The following PAM variants were observed in gnomAD, a reference collection of about 807,000 sequenced individuals.
The protein encoded by PAM is peptidyl-glycine alpha-amidating monooxygenase.
PAM carries 72 observed loss-of-function variants against 122.1 expected under a neutral mutation model. That is an observed-to-expected ratio of 0.59 (90% CI 0.49 to 0.72). The LOEUF (loss-of-function observed/expected upper bound fraction) is 0.72. PAM is among the 30% of genes least tolerant of loss of function. The pLI, the probability that PAM is intolerant of heterozygous loss-of-function variation, is 0.00. For synonymous variants in PAM, 389 were observed against 404.4 expected (o/e 0.96, Z 0.46); for missense variants, 1,106 against 1,183.7 (o/e 0.93, Z 0.96).
intron 3 of PAM, among the ~76,000 whole-genome samples, chr5:102,867,647 C>T (rs1786027030): frequency 6.6e-6 from 1 of 152,114 alleles, no homozygotes; most frequent in South Asian, 2.1e-4. Flanking sequence ...CGAAAATTTA[C>T]ATTTTGAGAT....
At chr5:102,946,318 C>T (rs1582017189) in intron 7 of PAM, among the ~76,000 whole-genome samples, 2 of 152,092 alleles carry the variant, frequency 1.3e-5, no homozygotes, top group Admixed American at 1.3e-4. Flanking sequence ...GAAAGCTGTA[C>T]TGGAAGAAAT....
chr5:102,822,361 C>G (rs1204188990), intron 1 of PAM, among the ~76,000 whole-genome samples: 13 of 152,140 alleles, frequency 8.5e-5, no homozygotes, highest in Non-Finnish European at 1.5e-4. Flanking sequence ...GGAACCCACC[C>G]TGGACAGAAT....
At chr5:102,915,316 A>G (rs567541520) in intron 5 of PAM, among the ~76,000 whole-genome samples, 115 of 152,214 alleles carry the variant, frequency 7.6e-4, no homozygotes, top group Non-Finnish European at 1.4e-3. Context: ...AAACAATATA[A>G]TGTGTATTTG....
At position 103,007,639 on chromosome 5, in the gene PAM, G is replaced by A; in HGVS notation, c.2197G>A (p.Ala733Thr). 1.2e-6 allele frequency: 2 copies of A among 1,600,814 alleles called. No homozygotes were observed. The highest frequency in any genetic ancestry group is 1.7e-6 in the Non-Finnish European group (2 of 1,168,028). The change falls in exon 20 of 26, where the codon GCA (alanine) becomes ACA (threonine). Residue 733 changes from alanine (A) to threonine (T), a missense_variant. Coordinates refer to ENST00000438793, the MANE Select transcript of PAM (RefSeq NM_001177306.2). ...TTCATCATTTGGAAGAAATGTATTT[G>A]CAATTTCATATATACCAGGTATTTC... is the stretch of plus-strand genomic sequence containing the variant. ...KHSSFGRNVF[A>T]ISYIPGLLFA...
intron 7 of PAM, among the ~76,000 whole-genome samples, chr5:102,928,765 A>G (rs1750471573): frequency 6.6e-6 from 1 of 152,148 alleles, no homozygotes; most frequent in South Asian, 2.1e-4. Flanking sequence ...TAAATTTAGT[A>G]TGATGTTTTG....
chr5:102,773,718 A>G (rs1360990123), intron 1 of PAM, among the ~76,000 whole-genome samples: 1 of 151,914 alleles, frequency 6.6e-6, no homozygotes, highest in African/African-American at 2.4e-5. Context: ...TAATTAACTT[A>G]TTTACTTTTT....
intron 3 of PAM, among the ~76,000 whole-genome samples, chr5:102,868,741 T>G (rs2150978148): frequency 6.6e-6 from 1 of 152,332 alleles, no homozygotes; most frequent in Non-Finnish European, 1.5e-5. Flanking sequence ...AGAATATCAT[T>G]ATTTTATCAA....
At chr5:102,817,286 A>G (rs1464402463) in intron 1 of PAM, among the ~76,000 whole-genome samples, 2 of 152,132 alleles carry the variant, frequency 1.3e-5, no homozygotes, top group Non-Finnish European at 2.9e-5. Context: ...AAAAAGAAAT[A>G]CTTCATCACT....
At chr5:102,803,818 G>A (rs1765524543) in intron 1 of PAM, among the ~76,000 whole-genome samples, 1 of 152,126 alleles carries the variant, frequency 6.6e-6, no homozygotes, top group Non-Finnish European at 1.5e-5. Flanking sequence ...TAGAATAAGA[G>A]GTGAATATTG....
intron 3 of PAM, among the ~76,000 whole-genome samples, chr5:102,876,478 G>A (rs1236679367): frequency 6.6e-6 from 1 of 152,076 alleles, no homozygotes; most frequent in African/African-American, 2.4e-5. Flanking sequence ...TCCTTCCAAA[G>A]CCCTGCATCT....
At chr5:102,906,609 C>G (rs1263990709) in intron 4 of PAM, among the ~76,000 whole-genome samples, 1 of 151,766 alleles carries the variant, frequency 6.6e-6, no homozygotes, top group Non-Finnish European at 1.5e-5. Flanking sequence ...TACTTCACTT[C>G]TCTTTCCTGA....
At chr5:102,768,330 C>T (rs1580821936) in intron 1 of PAM, among the ~76,000 whole-genome samples, 3 of 152,018 alleles carry the variant, frequency 2.0e-5, no homozygotes, top group South Asian at 2.1e-4. Flanking sequence ...TTACCTCACA[C>T]ATTTTTTGTG....
intron 16 of PAM, among the ~76,000 whole-genome samples, chr5:103,001,574 T>C (rs917326215): frequency 5.3e-5 from 8 of 152,298 alleles, no homozygotes; most frequent in Middle Eastern, 3.4e-3. Context: ...TTGTGTTCAA[T>C]TGAATGCATC....
At chr5:102,877,840 CAACA>C (rs932777611) in intron 3 of PAM, among the ~76,000 whole-genome samples, 1 of 151,986 alleles carries the variant, frequency 6.6e-6, no homozygotes, top group Non-Finnish European at 1.5e-5. Flanking sequence ...CCAGCCTGGG[CAACA>C]TGGAGAGATC....
intron 1 of PAM, among the ~76,000 whole-genome samples, chr5:102,861,964 G>A (rs1166663206): frequency 6.6e-6 from 1 of 152,060 alleles, no homozygotes; most frequent in Non-Finnish European, 1.5e-5. Flanking sequence ...GAGCTCAGGA[G>A]TTCGAGACCA....
intron 1 of PAM, among the ~76,000 whole-genome samples, chr5:102,842,994 C>G (rs754973629): frequency 1.3e-5 from 2 of 152,164 alleles, no homozygotes; most frequent in East Asian, 3.9e-4. Context: ...TTTTAAGAAG[C>G]AAGGTCCTAA....
rs1758606907 is a variant in PAM at position 102,950,775 on chromosome 5, G to C, written c.860G>C (p.Arg287Thr). The stretch of plus-strand genomic sequence containing the variant: ...AGTTTTGGTGACCTACTGGCTGCAA[G>C]ATGTGTATTCACTGGTGAAGGAAGG... ...DVSFGDLLAA[R>T]CVFTGEGRTE... The change falls in exon 12 of 26, where the codon AGA (arginine) becomes ACA (threonine). Residue 287 changes from arginine to threonine, a missense_variant. This residue lies in a region of PAM where 670 missense variants were observed against 690.3 expected (regional missense o/e 0.97). Coordinates refer to ENST00000438793, the MANE Select transcript of PAM (RefSeq NM_001177306.2). 1.2e-6 allele frequency: 2 copies of C among 1,612,048 alleles called. No homozygotes were observed. The highest frequency in any genetic ancestry group is 1.7e-6 in the Non-Finnish European group (2 of 1,178,434).
rs1309202509 is a variant in PAM at position 102,784,432 on chromosome 5, C to A, written c.-374+29084C>A. Among the ~76,000 whole-genome samples, 5 of 152,144 alleles carry A rather than the reference C, an allele frequency of 3.3e-5. 1 individual carries two copies. Among genetic ancestry groups the A allele is most frequent in the Non-Finnish European group, 1.5e-5 (1 of 68,026 alleles). Reference sequence around the variant, plus strand: ...CGTAAGCTTGGAAAAATTTAGGTATCACTGTTGTAAGCTCTCATATGACCC... The same window carrying A: ...CGTAAGCTTGGAAAAATTTAGGTATAACTGTTGTAAGCTCTCATATGACCC... On this transcript the variant is annotated intron_variant, in intron 1 of 25. Coordinates refer to ENST00000438793, the MANE Select transcript of PAM (RefSeq NM_001177306.2).
chr5:102,963,053 A>G (rs1382151548), intron 14 of PAM, among the ~76,000 whole-genome samples: 1 of 151,928 alleles, frequency 6.6e-6, no homozygotes, highest in Non-Finnish European at 1.5e-5. Flanking sequence ...TATTGCAGAA[A>G]ATAGGCTGTT....
Sources: allele counts gnomAD v4.1 joint callset (sites outside exome capture counted in the v4.1 genomes callset), GRCh38; gene constraint gnomAD v4.1.1; regional missense constraint gnomAD v4.1.1; transcripts MANE v1.5; gene names NCBI Gene and HGNC (gene_info 2026-07-23, HGNC 2026-07-21).